Variants in RIC1 observed in about 807,000 individuals in gnomAD.
The protein encoded by RIC1 is guanine nucleotide exchange factor subunit RIC1.
A neutral mutation model predicts 169.0 loss-of-function variants in RIC1; 88 were observed. That is an observed-to-expected ratio of 0.52 (90% CI 0.44 to 0.62). The LOEUF is 0.62. Ranked by LOEUF, RIC1 falls within the 20% of genes least tolerant of loss-of-function variation. The pLI, the probability that RIC1 is intolerant of heterozygous loss-of-function variation, is 0.00. For synonymous variants in RIC1, 790 were observed against 601.5 expected (o/e 1.31, Z -4.59); for missense variants, 1,877 against 1,725.5 (o/e 1.09, Z -1.56).
chr9:5,656,179 CT>C (rs968202302), intron 1 of RIC1, among the ~76,000 whole-genome samples: 4 of 152,094 alleles, frequency 2.6e-5, no homozygotes, highest in Non-Finnish European at 5.9e-5. Context: ...CTGTAGTTTT[CT>C]TTTCATGTAA....
intron 1 of RIC1, among the ~76,000 whole-genome samples, chr9:5,655,135 A>G (rs1227234868): frequency 6.6e-6 from 1 of 152,086 alleles, no homozygotes; most frequent in Non-Finnish European, 1.5e-5. Flanking sequence ...AGCTGCTGTG[A>G]GTGGAGACAT....
At position 5,755,961 on chromosome 9, in the gene RIC1, C is replaced by T. The variant is rs200372746; in HGVS notation, c.1693-251C>T. On this transcript the variant is annotated intron_variant, in intron 15 of 25. Transcript: ENST00000414202. ...AAATAAATAAATAAATAAAGCAGGT[C>T]TAAAAGGAATATTTTATAATAGTAC... Among the ~76,000 whole-genome samples, 15 of 148,212 alleles carry T rather than the reference C, an allele frequency of 1.0e-4. 1 individual carries two copies. In the East Asian group the frequency reaches 3.0e-3, roughly 30 times the overall value.
chr9:5,658,650 G>A (rs147482181), intron 2 of RIC1, among the ~76,000 whole-genome samples: 4 of 152,094 alleles, frequency 2.6e-5, no homozygotes, highest in Middle Eastern at 3.4e-3. Context: ...AAATCCACAT[G>A]GAGCAGCAAA....
At chr9:5,651,968 G>T (rs149630079) in intron 1 of RIC1, among the ~76,000 whole-genome samples, 1 of 152,158 alleles carries the variant, frequency 6.6e-6, no homozygotes, top group African/African-American at 2.4e-5. Flanking sequence ...CCATTTATTA[G>T]ATTATCCTTT....
intron 13 of RIC1, 88 bp from the exon 14 acceptor site, chr9:5,753,448 C>G: frequency 1.2e-6 from 1 of 860,544 alleles, no homozygotes; most frequent in Non-Finnish European, 1.8e-6. Flanking sequence ...TATTAATTGT[C>G]TGTTTGCCTG....
intron 1 of RIC1, among the ~76,000 whole-genome samples, chr9:5,646,712 C>G (rs1197354403): frequency 2.0e-5 from 3 of 152,072 alleles, no homozygotes; most frequent in Admixed American, 6.5e-5. Context: ...GGAACTTATC[C>G]CCTCTTGTTA....
Position 5,762,534 on chromosome 9 carries a change from A to C in RIC1, c.1993-7A>C, listed in dbSNP as rs1413967925. ...TATGAATTTAGCTGCTTTTTCTTAAATTTCAGGCTCGTGGTGCAGAGAGCA... is the reference window on the plus strand; with the variant it reads ...TATGAATTTAGCTGCTTTTTCTTAACTTTCAGGCTCGTGGTGCAGAGAGCA... On this transcript the variant is annotated splice_region_variant and splice_polypyrimidine_tract_variant and intron_variant, in intron 17 of 25. Coordinates refer to ENST00000414202, the MANE Select transcript of RIC1 (RefSeq NM_020829.4). 1 of 1,612,176 alleles carries C rather than the reference A, an allele frequency of 6.2e-7. No individual in the cohort carries two copies. Among genetic ancestry groups the C allele is most frequent in the Non-Finnish European group, 8.5e-7 (1 of 1,179,438 alleles).
intron 13 of RIC1, 26 bp downstream of exon 13, chr9:5,753,264 A>T: frequency 6.2e-7 from 1 of 1,606,272 alleles, no homozygotes; most frequent in East Asian, 2.2e-5. Context: ...GTTGGTGTTA[A>T]CTTTTGTTGA....
chr9:5,772,469 G>T, intron 23 of RIC1, 95 bp from the exon 24 acceptor site: 1 of 992,734 alleles, frequency 1.0e-6, no homozygotes, highest in Non-Finnish European at 1.4e-6. Flanking sequence ...AAGATCCTGA[G>T]AAATCAACAT....
chr9:5,640,749 A>G (rs1818198220), intron 1 of RIC1, among the ~76,000 whole-genome samples: 2 of 152,176 alleles, frequency 1.3e-5, no homozygotes, highest in African/African-American at 4.8e-5. Context: ...CAGATTGAAC[A>G]ACTCCCTTTA....
At chr9:5,765,357 C>T (rs1392248066) in intron 19 of RIC1, 57 bp from the exon 20 acceptor site, 2 of 1,542,812 alleles carry the variant, frequency 1.3e-6, no homozygotes, top group East Asian at 4.5e-5. Context: ...AAGAATTGCT[C>T]ATATCTTCCC....
At chr9:5,677,301 G>C (rs1820508749) in intron 2 of RIC1, among the ~76,000 whole-genome samples, 1 of 151,944 alleles carries the variant, frequency 6.6e-6, no homozygotes, top group Non-Finnish European at 1.5e-5. Context: ...TTTCTCATTT[G>C]TTTATTTGTT....
chr9:5,774,289 G>C lies in RIC1; in HGVS notation c.*43G>C. 1 of 1,530,344 alleles carries C rather than the reference G, an allele frequency of 6.5e-7. No individual in the cohort carries two copies. The allele number at this position is 1,530,344 out of a possible 1,614,324, so 94.8% of individuals were successfully genotyped here. ...AAAGGGGCAGTATTAATTAGCAGCA[G>C]CGTGCAGCTCAGTACGTTGTAACAT... On this transcript the variant is annotated 3_prime_UTR_variant, in exon 26 of 26. Coordinates refer to ENST00000414202, the MANE Select transcript of RIC1 (RefSeq NM_020829.4).
At chr9:5,758,679 T>C (rs76456662) in intron 17 of RIC1, among the ~76,000 whole-genome samples, 2 of 151,744 alleles carry the variant, frequency 1.3e-5, no homozygotes, top group African/African-American at 2.4e-5. Context: ...AACTATTTCA[T>C]TGGATGTTTA....
intron 6 of RIC1, among the ~76,000 whole-genome samples, chr9:5,730,070 A>G (rs1824267393): frequency 6.6e-6 from 1 of 152,194 alleles, no homozygotes; most frequent in Non-Finnish European, 1.5e-5. Context: ...GATGGGCATT[A>G]CTAAATAAGG....
intron 4 of RIC1, chr9:5,719,215 C>T (rs900397054): frequency 1.3e-5 from 2 of 152,158 alleles, no homozygotes; most frequent in Non-Finnish European, 2.9e-5. Context: ...CCTTTGCGGT[C>T]TCATTTATGG....
chr9:5,718,224 T>C (rs867014341), intron 4 of RIC1, among the ~76,000 whole-genome samples: 1 of 152,046 alleles, frequency 6.6e-6, no homozygotes, highest in South Asian at 2.1e-4. Flanking sequence ...TAATGTTTTC[T>C]ATACAAGGCT....
chr9:5,664,815 C>T (rs1162490134), intron 2 of RIC1, among the ~76,000 whole-genome samples: 1 of 152,120 alleles, frequency 6.6e-6, no homozygotes, highest in Non-Finnish European at 1.5e-5. Context: ...CATTTTCATT[C>T]TTTTTTCTCT....
intron 2 of RIC1, among the ~76,000 whole-genome samples, chr9:5,661,704 T>G (rs1259992659): frequency 6.6e-6 from 1 of 152,222 alleles, no homozygotes; most frequent in South Asian, 2.1e-4. Context: ...TTTGCTGAAG[T>G]TGCTTATCAG....
Sources: allele counts gnomAD v4.1 joint callset (sites outside exome capture counted in the v4.1 genomes callset), GRCh38; gene constraint gnomAD v4.1.1; transcripts MANE v1.5; gene names NCBI Gene and HGNC (gene_info 2026-07-23, HGNC 2026-07-21).